PARD3B: variants seen among roughly 807,000 people sequenced by gnomAD.
The protein encoded by PARD3B is par-3 family cell polarity regulator beta, also known as partitioning defective 3 homolog B.
PARD3B carries 103 observed loss-of-function variants against 130.2 expected under a neutral mutation model. That is an observed-to-expected ratio of 0.79 (90% CI 0.67 to 0.93). The LOEUF is 0.93. Ranked by LOEUF, PARD3B falls within the 40% of genes least tolerant of loss-of-function variation. PARD3B has a pLI of 0.00. For missense variants in PARD3B, 1,609 were observed against 1,499.2 expected (o/e 1.07, Z -1.21); for synonymous variants, 583 against 553.2 (o/e 1.05, Z -0.76).
At chr2:205,138,808 T>C (rs1167863075) in intron 10 of PARD3B, among the ~76,000 whole-genome samples, 6 of 152,224 alleles carry the variant, frequency 3.9e-5, no homozygotes, top group Admixed American at 6.5e-5. Flanking sequence ...GACCTAGAGA[T>C]TACCTTAAGT....
chr2:204,929,741 C>T (rs1440994150), intron 2 of PARD3B, among the ~76,000 whole-genome samples: 4 of 150,706 alleles, frequency 2.7e-5, no homozygotes, highest in Non-Finnish European at 5.9e-5. Context: ...TTACCCCCTG[C>T]CAAGAATCCT....
At chr2:205,338,851 G>C (rs1479202887) in intron 18 of PARD3B, among the ~76,000 whole-genome samples, 1 of 152,104 alleles carries the variant, frequency 6.6e-6, no homozygotes, top group Non-Finnish European at 1.5e-5. Context: ...AGCTGAACCA[G>C]CATTATTTTA....
rs776826142 is a variant in PARD3B, at chr2:204,965,196, G to C, written c.267G>C (p.Glu89Asp). Residue 89 changes from glutamate (E) to aspartate (D), a missense_variant, in exon 3 of 23, where the codon GAG becomes GAC. Physicochemically the swap from Glu to Asp is conservative, Grantham distance 45 (BLOSUM62 2). Coordinates refer to ENST00000406610, the MANE Select transcript of PARD3B (RefSeq NM_001302769.2). ...AACAAGAACCACTCCACAAGATTGAGAGCCCCAGTGGAAACCCTGCAGATC... is the reference window on the plus strand; with the variant it reads ...AACAAGAACCACTCCACAAGATTGACAGCCCCAGTGGAAACCCTGCAGATC... ...FEEQEPLHKIESPSGNPADRQ... is the reference protein window; with the variant it reads ...FEEQEPLHKIDSPSGNPADRQ... The C allele has an allele frequency of 6.2e-7, 1 of 1,613,924 alleles. No individual in the cohort carries two copies. Among genetic ancestry groups the C allele is most frequent in the South Asian group, 1.1e-5 (1 of 91,070 alleles).
chr2:204,708,861 A>C (rs1289144358), intron 2 of PARD3B, among the ~76,000 whole-genome samples: 1 of 152,224 alleles, frequency 6.6e-6, no homozygotes, highest in Non-Finnish European at 1.5e-5. Context: ...TCATTTGTAT[A>C]GAAATTTTAA....
At chr2:205,583,951 TCTC>T (rs2054099561) in intron 22 of PARD3B, among the ~76,000 whole-genome samples, 2 of 152,166 alleles carry the variant, frequency 1.3e-5, no homozygotes, top group Non-Finnish European at 1.5e-5. Flanking sequence ...TTTTACACAT[TCTC>T]CTTCATTTTG....
At chr2:204,701,804 A>C (rs1283392750) in intron 2 of PARD3B, among the ~76,000 whole-genome samples, 1 of 151,938 alleles carries the variant, frequency 6.6e-6, no homozygotes, top group Admixed American at 6.6e-5. Context: ...AGTATATTGC[A>C]TAATGCTGAG....
chr2:205,521,695 A>T (rs1276980007), intron 21 of PARD3B, among the ~76,000 whole-genome samples: 3 of 152,012 alleles, frequency 2.0e-5, no homozygotes, highest in African/African-American at 7.2e-5. Context: ...GATTGCTAAT[A>T]TTTCATTTGT....
chr2:204,853,523 A>G (rs1248856361), intron 2 of PARD3B, among the ~76,000 whole-genome samples: 4 of 152,140 alleles, frequency 2.6e-5, no homozygotes, highest in Non-Finnish European at 5.9e-5. Flanking sequence ...AGAATAAGTC[A>G]GACGTAAGAA....
intron 12 of PARD3B, among the ~76,000 whole-genome samples, chr2:205,175,942 T>G (rs989923320): frequency 2.0e-5 from 3 of 152,188 alleles, no homozygotes; most frequent in Non-Finnish European, 4.4e-5. Flanking sequence ...TCACAGCGGT[T>G]TGATTTAGCT....
intron 4 of PARD3B, among the ~76,000 whole-genome samples, chr2:205,101,114 A>G (rs532422622): frequency 2.0e-5 from 3 of 152,284 alleles, no homozygotes; most frequent in African/African-American, 7.2e-5. Flanking sequence ...TATATGGAAT[A>G]TTTAAAGAAC....
At chr2:204,617,206 A>G (rs551869107) in intron 1 of PARD3B, among the ~76,000 whole-genome samples, 31 of 152,256 alleles carry the variant, frequency 2.0e-4, no homozygotes, top group Admixed American at 7.9e-4. Flanking sequence ...ATACAGGTAA[A>G]TGGTACAACC....
At chr2:205,031,918 T>A (rs1337637595) in intron 3 of PARD3B, among the ~76,000 whole-genome samples, 1 of 152,162 alleles carries the variant, frequency 6.6e-6, no homozygotes, top group Non-Finnish European at 1.5e-5. Flanking sequence ...TTTTAATTGA[T>A]AGAAACCAAG....
chr2:205,178,662 G>C (rs1288019078), intron 13 of PARD3B, among the ~76,000 whole-genome samples: 1 of 152,054 alleles, frequency 6.6e-6, no homozygotes, highest in South Asian at 2.1e-4. Flanking sequence ...CTCTAGCAAC[G>C]TGTGGCCCAG....
At chr2:205,561,256 T>C (rs2053123652) in intron 22 of PARD3B, among the ~76,000 whole-genome samples, 1 of 152,216 alleles carries the variant, frequency 6.6e-6, no homozygotes, top group African/African-American at 2.4e-5. Context: ...CATTGCACTA[T>C]TTTATTGTGC....
At chr2:204,970,293 G>A (rs1691594146) in intron 3 of PARD3B, among the ~76,000 whole-genome samples, 1 of 152,148 alleles carries the variant, frequency 6.6e-6, no homozygotes, top group African/African-American at 2.4e-5. Flanking sequence ...ATTTGATCTA[G>A]CTGTGTGATC....
At chr2:205,070,041 G>T (rs190968431) in intron 4 of PARD3B, among the ~76,000 whole-genome samples, 51 of 152,168 alleles carry the variant, frequency 3.4e-4, no homozygotes, top group Non-Finnish European at 6.2e-4. Context: ...CTTCCTTGGG[G>T]TCACTAGGAA....
In PARD3B at chr2:205,575,151, G is replaced by GTA. The variant is rs768407817; in HGVS notation, c.3260+21758_3260+21759dup. Among the ~76,000 whole-genome samples, 2 of 149,418 alleles carry GTA rather than the reference G, an allele frequency of 1.3e-5. No individual in the cohort carries two copies. The highest frequency in any genetic ancestry group is 1.5e-5 in the Non-Finnish European group (1 of 67,458). ...ATATAAAAATATATTTTCATGTAAG[G>GTA]TATATATATATTATACACACACATA... On this transcript the variant is annotated intron_variant, in intron 22 of 22. Transcript: ENST00000406610. The surrounding 1 kb of genome is among the most constrained non-coding windows in gnomAD (Gnocchi z 4.6).
intron 2 of PARD3B, among the ~76,000 whole-genome samples, chr2:204,917,866 G>A (rs1489560031): frequency 1.3e-5 from 2 of 151,966 alleles, no homozygotes; most frequent in Admixed American, 6.6e-5. Flanking sequence ...TTCTTTAATT[G>A]TAAACTGACA....
intron 16 of PARD3B, among the ~76,000 whole-genome samples, chr2:205,297,792 C>G (rs1402429089): frequency 2.0e-5 from 3 of 152,170 alleles, no homozygotes; most frequent in African/African-American, 7.2e-5. Context: ...ACTCAACCAC[C>G]CTTTTTGCTT....
Sources: gnomAD v4.1 joint callset for allele counts (sites outside exome capture counted in the v4.1 genomes callset) on GRCh38, gnomAD v4.1.1 for gene constraint, Gnocchi (gnomAD v3.1) non-coding constraint, MANE v1.5 for transcripts, NCBI Gene and HGNC (gene_info 2026-07-23, HGNC 2026-07-21) for gene names.